The following ZDHHC5 variants were observed in gnomAD, a reference collection of about 807,000 sequenced individuals.
ZDHHC5 encodes zDHHC palmitoyltransferase 5.
Under a neutral mutation model 70.0 loss-of-function variants are expected in ZDHHC5, and 22 were observed. That is an observed-to-expected ratio of 0.31 (90% CI 0.22 to 0.45). The LOEUF (loss-of-function observed/expected upper bound fraction) is 0.45, where lower values mean the gene tolerates loss of function less well. Ranked by LOEUF, ZDHHC5 falls within the 20% of genes least tolerant of loss-of-function variation. ZDHHC5 has a pLI of 1.00. For synonymous variants in ZDHHC5, 313 were observed against 347.8 expected, an observed-to-expected ratio of 0.90 and a Z score of 1.11; for missense variants, 746 against 926.9, an observed-to-expected ratio of 0.80 and a Z score of 2.53.
intron 2 of ZDHHC5, among the ~76,000 whole-genome samples, chr11:57,678,396 C>T (rs1456625665): frequency 2.0e-5 from 3 of 151,968 alleles, no homozygotes; most frequent in African/African-American, 7.2e-5. Flanking sequence ...CGGTGAAACC[C>T]GTTCTCTACT....
In ZDHHC5 at chr11:57,699,181, G is replaced by A. The variant is rs567126462; in HGVS notation, c.1745G>A (p.Arg582His). Residue 582 changes from arginine (R) to histidine (H), a missense_variant, in exon 11 of 12, where the codon CGT becomes CAT. Coordinates refer to ENST00000287169, the MANE Select transcript of ZDHHC5 (RefSeq NM_015457.3). Reference protein sequence around the residue: ...QSTPGSGHAPRTSSSSDDSKR... With the variant: ...QSTPGSGHAPHTSSSSDDSKR... ...ACACCAGGCTCGGGCCATGCCCCTC[G>A]TACTAGTTCCTCCTCAGATGATTCA... is the stretch of plus-strand genomic sequence containing the variant. The A allele has an allele frequency of 1.5e-5, 24 of 1,614,220 alleles. No individual in the cohort carries two copies. The highest frequency in any genetic ancestry group is 3.3e-5 in the South Asian group (3 of 91,090).
At chr11:57,689,947 G>A in intron 4 of ZDHHC5, 84 bp from the exon 5 acceptor site, 1 of 1,466,564 alleles carries the variant, frequency 6.8e-7, no homozygotes, top group East Asian at 2.3e-5. Context: ...TCAAAACTTA[G>A]CTGCCATTTG....
chr11:57,699,777 A>T (rs1047695334), intron 11 of ZDHHC5, 89 bp from the exon 12 acceptor site: 5 of 1,516,672 alleles, frequency 3.3e-6, no homozygotes, highest in African/African-American at 1.4e-5. Context: ...AAAGAACATC[A>T]TTTTTTTCTC....
At chr11:57,671,713 T>G (rs1308352782) in intron 1 of ZDHHC5, among the ~76,000 whole-genome samples, 1 of 152,230 alleles carries the variant, frequency 6.6e-6, no homozygotes, top group East Asian at 1.9e-4. Flanking sequence ...GTTTGTGATT[T>G]TGATATTCTT....
rs1946241159 is a variant in ZDHHC5, at chr11:57,688,540, C to G, written c.259C>G (p.Arg87Gly). 6.2e-7 allele frequency: 1 copy of G among 1,600,200 alleles called. No individual in the cohort carries two copies. Among genetic ancestry groups the G allele is most frequent in the Non-Finnish European group, 8.5e-7 (1 of 1,172,752 alleles). The change falls in exon 4 of 12, where the codon CGA (arginine) becomes GGA (glycine). Residue 87 changes from arginine (R) to glycine (G), a missense_variant. Physicochemically the swap from Arg to Gly is moderately radical, Grantham distance 125. Transcript: ENST00000287169. ...GGATGAGGACAAGGAAGATGATTTCCGAGCTCCCCTTTACAAAACAGTGGA... is the reference window on the plus strand; with the variant it reads ...GGATGAGGACAAGGAAGATGATTTCGGAGCTCCCCTTTACAAAACAGTGGA... The part of the protein sequence containing the change: ...EEDEDKEDDF[R>G]APLYKTVEIK...
At chr11:57,669,323 A>G (rs1945971566) in intron 1 of ZDHHC5, among the ~76,000 whole-genome samples, 1 of 152,238 alleles carries the variant, frequency 6.6e-6, no homozygotes, top group Non-Finnish European at 1.5e-5. Context: ...TACTGCTGGT[A>G]TCCACCTATT....
intron 6 of ZDHHC5, among the ~76,000 whole-genome samples, chr11:57,692,288 T>G (rs886379731): frequency 5.3e-5 from 8 of 152,220 alleles, no homozygotes; most frequent in African/African-American, 1.9e-4. Flanking sequence ...CCCAAAGTGC[T>G]GGGATTACAG....
At position 57,698,880 on chromosome 11, in the gene ZDHHC5, T is replaced by G; in HGVS notation, c.1444T>G (p.Phe482Val). ...SLLTPSDSPD[F>V]ESVQAGPEPD... ...GCTCACACCTTCAGACAGCCCTGAT[T>G]TTGAGTCAGTGCAGGCAGGGCCTGA... The change falls in exon 11 of 12, where the codon TTT becomes GTT. Residue 482 changes from phenylalanine to valine, a missense_variant. This residue lies in a region of ZDHHC5 where 340 missense variants were observed against 350.1 expected (regional missense o/e 0.97). Transcript: ENST00000287169. The G allele has an allele frequency of 6.2e-7, 1 of 1,614,104 alleles. No homozygotes were observed.
chr11:57,689,950 G>T, intron 4 of ZDHHC5, 81 bp from the exon 5 acceptor site: 1 of 1,478,338 alleles, frequency 6.8e-7, no homozygotes, highest in Non-Finnish European at 9.2e-7. Context: ...AAACTTAGCT[G>T]CCATTTGTTT....
At chr11:57,670,383 A>ATTGCTTGAGACAGGAGAG (rs1945989913) in intron 1 of ZDHHC5, among the ~76,000 whole-genome samples, 1 of 151,892 alleles carries the variant, frequency 6.6e-6, no homozygotes, top group Non-Finnish European at 1.5e-5. Flanking sequence ...AGACAGGAGA[A>ATTGCTTGAGACAGGAGAG]TTGCTTGAAT....
intron 6 of ZDHHC5, among the ~76,000 whole-genome samples, chr11:57,691,627 AGAT>A (rs1482290821): frequency 3.3e-4 from 51 of 152,360 alleles, no homozygotes; most frequent in African/African-American, 1.2e-3. Flanking sequence ...ATAAAGAATA[AGAT>A]GATAGTTTTT....
chr11:57,683,643 GAAT>G (rs1300169984), intron 3 of ZDHHC5, among the ~76,000 whole-genome samples: 1 of 152,226 alleles, frequency 6.6e-6, no homozygotes, highest in Non-Finnish European at 1.5e-5. Flanking sequence ...GTGGGCAATT[GAAT>G]AGTCAGTGTT....
At chr11:57,669,174 A>G (rs1012518722) in intron 1 of ZDHHC5, among the ~76,000 whole-genome samples, 7 of 152,184 alleles carry the variant, frequency 4.6e-5, no homozygotes, top group Non-Finnish European at 1.0e-4. Context: ...GATAACACCC[A>G]CATTAAACTT....
chr11:57,696,985 A>G (rs754616942), intron 10 of ZDHHC5, 112 bp downstream of exon 10: 5 of 1,090,394 alleles, frequency 4.6e-6, no homozygotes, highest in Non-Finnish European at 5.4e-6. Context: ...TCACAAGGTC[A>G]AGAGATTGAG....
rs959869519 is a variant in ZDHHC5, at chr11:57,700,230, A to AC, written c.*206dup. 4 of 541,702 alleles carry AC rather than the reference A, an allele frequency of 7.4e-6. No homozygotes were observed. Among genetic ancestry groups the AC allele is most frequent in the Non-Finnish European group, 1.2e-5 (4 of 335,706 alleles). 33.6% of individuals were successfully genotyped at this position (541,702 alleles called of 1,614,324 possible). ...TTGGGGCCCTGAGACTGGGGTAGCA[A>AC]CCCCCCCTTTTATCTTTTAAGACCT... is the stretch of plus-strand genomic sequence containing the variant. On this transcript the variant is annotated 3_prime_UTR_variant, in exon 12 of 12. Coordinates refer to ENST00000287169, the MANE Select transcript of ZDHHC5 (RefSeq NM_015457.3).
chr11:57,668,235 A>C, intron 1 of ZDHHC5, 48 bp downstream of exon 1: 1 of 351,684 alleles, frequency 2.8e-6, no homozygotes, highest in Non-Finnish European at 5.1e-6. Flanking sequence ...GTGCCGTACC[A>C]GCGAGGTGGG....
intron 10 of ZDHHC5, among the ~76,000 whole-genome samples, chr11:57,697,551 G>C (rs1946369676): frequency 6.6e-6 from 1 of 150,732 alleles, no homozygotes; most frequent in South Asian, 2.1e-4. Context: ...GCTGAGGCAG[G>C]AGAATCACTT....
chr11:57,673,955 G>A (rs1048934271), intron 2 of ZDHHC5, among the ~76,000 whole-genome samples: 4 of 152,164 alleles, frequency 2.6e-5, no homozygotes, highest in African/African-American at 9.7e-5. Flanking sequence ...GAGAGTATTG[G>A]AAAATTTCAG....
intron 7 of ZDHHC5, 89 bp from the exon 8 acceptor site, chr11:57,693,694 A>G: frequency 7.0e-7 from 1 of 1,438,198 alleles, no homozygotes; most frequent in Non-Finnish European, 9.1e-7. Context: ...CCTAATAAAA[A>G]TGGTTTACAG....
Sources: allele counts gnomAD v4.1 joint callset (sites outside exome capture counted in the v4.1 genomes callset), GRCh38; gene constraint gnomAD v4.1.1; regional missense constraint gnomAD v4.1.1; transcripts MANE v1.5; gene names NCBI Gene and HGNC (gene_info 2026-07-23, HGNC 2026-07-21).